The following C6 variants were observed in gnomAD, a reference collection of about 807,000 sequenced individuals.
The protein encoded by C6 is complement component C6.
A neutral mutation model predicts 112.9 loss-of-function variants in C6; 101 were observed. That is an observed-to-expected ratio of 0.89 (90% CI 0.76 to 1.06). The LOEUF (loss-of-function observed/expected upper bound fraction) is 1.06, where lower values mean the gene tolerates loss of function less well. Ranked by LOEUF, C6 falls within the 50% of genes least tolerant of loss-of-function variation. The pLI is 0.00. For missense variants in C6, 1,202 were observed against 1,104.6 expected (o/e 1.09, Z -1.25); for synonymous variants, 431 against 384.1 (o/e 1.12, Z -1.43).
intron 1 of C6, among the ~76,000 whole-genome samples, chr5:41,229,772 G>A (rs1057388726): frequency 3.0e-4 from 46 of 151,892 alleles, no homozygotes; most frequent in African/African-American, 1.1e-3. Flanking sequence ...TTAACAGTGG[G>A]GTATTAAAGT....
At chr5:41,191,221 C>T (rs532053220) in intron 5 of C6, among the ~76,000 whole-genome samples, 3 of 152,000 alleles carry the variant, frequency 2.0e-5, no homozygotes, top group Admixed American at 6.6e-5. Flanking sequence ...TGCCCACCAC[C>T]ACGCCTGGCT....
intron 4 of C6, among the ~76,000 whole-genome samples, chr5:41,197,565 A>C (rs1300032953): frequency 1.3e-5 from 2 of 152,158 alleles, no homozygotes; most frequent in Admixed American, 6.6e-5. Context: ...TTTGTTAGAC[A>C]GAAGGAGGGA....
chr5:41,206,997 AG>A (rs1751489483), intron 1 of C6, among the ~76,000 whole-genome samples: 1 of 152,236 alleles, frequency 6.6e-6, no homozygotes, highest in South Asian at 2.1e-4. Context: ...TTACCCACAA[AG>A]GGAAGCCCAT....
At chr5:41,222,827 T>C (rs935860078) in intron 1 of C6, among the ~76,000 whole-genome samples, 1 of 152,164 alleles carries the variant, frequency 6.6e-6, no homozygotes, top group Non-Finnish European at 1.5e-5. Flanking sequence ...TTCTTTTCTC[T>C]TGTATTGAAA....
intron 1 of C6, among the ~76,000 whole-genome samples, chr5:41,247,149 T>C (rs1178444298): frequency 6.6e-6 from 1 of 151,910 alleles, no homozygotes; most frequent in East Asian, 1.9e-4. Flanking sequence ...TGATTCTACC[T>C]CTCTAAATAA....
chr5:41,200,973 T>C (rs1479360480), intron 3 of C6, among the ~76,000 whole-genome samples: 6 of 141,182 alleles, frequency 4.2e-5, no homozygotes, highest in South Asian at 2.4e-4. Flanking sequence ...TGCTCCAATA[T>C]CTAAAAATTT....
intron 1 of C6, among the ~76,000 whole-genome samples, chr5:41,238,657 A>G (rs537354561): frequency 4.2e-4 from 64 of 152,304 alleles, no homozygotes; most frequent in African/African-American, 1.4e-3. Context: ...AGCATTTGAT[A>G]ATTTTTATGG....
At chr5:41,190,578 C>A (rs1003232553) in intron 5 of C6, among the ~76,000 whole-genome samples, 1 of 152,152 alleles carries the variant, frequency 6.6e-6, no homozygotes, top group Non-Finnish European at 1.5e-5. Context: ...CACTCTGTTA[C>A]TGTTTTCTGC....
chr5:41,180,879 G>A (rs772297169), intron 7 of C6, among the ~76,000 whole-genome samples: 1 of 149,360 alleles, frequency 6.7e-6, no homozygotes, highest in Non-Finnish European at 1.5e-5. Flanking sequence ...CTCAAGAAAA[G>A]GAATATAAGA....
intron 1 of C6, among the ~76,000 whole-genome samples, chr5:41,230,394 T>TG (rs1217743120): frequency 2.0e-5 from 3 of 152,006 alleles, no homozygotes; most frequent in African/African-American, 7.2e-5. Context: ...ATTGCATTCC[T>TG]GGGGGGAGGT....
At chr5:41,150,810 C>G (rs929035867) in intron 15 of C6, among the ~76,000 whole-genome samples, 1 of 151,700 alleles carries the variant, frequency 6.6e-6, no homozygotes, top group Non-Finnish European at 1.5e-5. Context: ...TCACTTGAAC[C>G]CGGGAGGCAG....
intron 1 of C6, among the ~76,000 whole-genome samples, chr5:41,243,576 G>A (rs1740856837): frequency 6.6e-6 from 1 of 152,146 alleles, no homozygotes; most frequent in South Asian, 2.1e-4. Flanking sequence ...AATGAGACTA[G>A]TTACTAAGCT....
intron 1 of C6, among the ~76,000 whole-genome samples, chr5:41,210,701 C>A (rs559940844): frequency 6.9e-4 from 105 of 152,154 alleles, no homozygotes; most frequent in Middle Eastern, 3.4e-3. Context: ...CCATCTCACA[C>A]CAGTTAGAAT....
At position 41,186,090 on chromosome 5, in the gene C6, G is replaced by T. The variant is rs755404217; in HGVS notation, c.706C>A (p.Leu236Met). ...TSNPYRVPAN[L>M]ENVGFEVQTA... ...CATACCTCAAAGCCGACATTTTCCA[G>T]ATTGGCCGGAACACGGTATGGATTA... The change falls in exon 6 of 18, where the codon CTG becomes ATG. Residue 236 changes from leucine to methionine, a missense_variant. By Grantham distance (15) the Leu-to-Met change is conservative. Coordinates refer to ENST00000337836, the MANE Select transcript of C6 (RefSeq NM_000065.5). 9.9e-6 allele frequency: 16 copies of T among 1,613,848 alleles called. No homozygotes were observed. The highest frequency in any genetic ancestry group is 1.4e-5 in the Non-Finnish European group (16 of 1,179,940).
At chr5:41,242,209 G>A (rs1217599198) in intron 1 of C6, among the ~76,000 whole-genome samples, 4 of 152,078 alleles carry the variant, frequency 2.6e-5, no homozygotes, top group Non-Finnish European at 4.4e-5. Context: ...GTCAAGGGTG[G>A]GACCAAGGGT....
intron 9 of C6, among the ~76,000 whole-genome samples, chr5:41,164,294 G>A (rs114184346): frequency 0.015 from 2,211 of 152,316 alleles, 28 homozygotes; most frequent in Middle Eastern, 0.041. Flanking sequence ...TCTGAAGGAA[G>A]ACTGACATGT....
intron 1 of C6, among the ~76,000 whole-genome samples, chr5:41,221,859 G>A (rs138933410): frequency 1.3e-3 from 196 of 152,152 alleles, no homozygotes; most frequent in South Asian, 4.8e-3. Context: ...CTTATATTGA[G>A]CAGAAGTTAA....
At chr5:41,250,437 CCA>C (rs1391688249) in intron 1 of C6, among the ~76,000 whole-genome samples, 1 of 152,002 alleles carries the variant, frequency 6.6e-6, no homozygotes, top group Non-Finnish European at 1.5e-5. Context: ...TAATTTGTAC[CCA>C]GTTATATTTT....
At chr5:41,164,140 G>A (rs1747778627) in intron 9 of C6, among the ~76,000 whole-genome samples, 1 of 145,446 alleles carries the variant, frequency 6.9e-6, no homozygotes. Context: ...GAGAGGGAGG[G>A]AAAATGGAAG....
Sources: gnomAD v4.1 joint callset for allele counts (sites outside exome capture counted in the v4.1 genomes callset) on GRCh38, gnomAD v4.1.1 for gene constraint, MANE v1.5 for transcripts, NCBI Gene and HGNC (gene_info 2026-07-23, HGNC 2026-07-21) for gene names.